Variants in R3HCC1L observed in about 807,000 individuals in gnomAD.
R3HCC1L encodes coiled-coil domain-containing protein R3HCC1L.
A neutral mutation model predicts 59.9 loss-of-function variants in R3HCC1L; 51 were observed. The observed-to-expected ratio is 0.85, with a 90% CI of 0.68 to 1.07. The LOEUF (loss-of-function observed/expected upper bound fraction) is 1.07, where lower values mean the gene tolerates loss of function less well. Ranked by LOEUF, R3HCC1L falls within the 50% of genes least tolerant of loss-of-function variation. The pLI is 0.00. For synonymous variants in R3HCC1L, 322 were observed against 315.2 expected, an observed-to-expected ratio of 1.02 and a Z score of -0.23; for missense variants, 965 against 933.0, an observed-to-expected ratio of 1.03 and a Z score of -0.45.
At position 98,164,326 on chromosome 10, in the gene R3HCC1L, C is replaced by T. The variant is rs563715974; in HGVS notation, c.-15+929C>T. Among the ~76,000 whole-genome samples the T allele has an allele frequency of 3.9e-3, 587 of 152,190 alleles. 4 individuals carry two copies. The highest frequency in any genetic ancestry group is 0.013 in the African/African-American group (527 of 41,490). Reference sequence around the variant, plus strand: ...TCAAATAGAATCCAGGGATGAGGAACTATAGGCACAGAAAAAAGAGAGGAA... The same window carrying T: ...TCAAATAGAATCCAGGGATGAGGAATTATAGGCACAGAAAAAAGAGAGGAA... On this transcript the variant is annotated intron_variant, in intron 4 of 9. Transcript: ENST00000298999.
At chr10:98,175,841 C>G (rs570367810) in intron 4 of R3HCC1L, among the ~76,000 whole-genome samples, 24 of 152,116 alleles carry the variant, frequency 1.6e-4, no homozygotes, top group Non-Finnish European at 2.6e-4. Flanking sequence ...GATGTTGTAT[C>G]TAAGAAACCT....
intron 4 of R3HCC1L, among the ~76,000 whole-genome samples, chr10:98,165,061 A>G (rs1429399492): frequency 6.6e-6 from 1 of 152,162 alleles, no homozygotes; most frequent in Non-Finnish European, 1.5e-5. Context: ...GGAGTTCGAG[A>G]CCAGCCTGGC....
At chr10:98,143,906 T>C (rs903077012) in intron 1 of R3HCC1L, among the ~76,000 whole-genome samples, 1 of 152,214 alleles carries the variant, frequency 6.6e-6, no homozygotes, top group Non-Finnish European at 1.5e-5. Context: ...CTGTTAACAT[T>C]GGGGTTTATT....
At chr10:98,169,373 C>G (rs1038880255) in intron 4 of R3HCC1L, among the ~76,000 whole-genome samples, 2 of 152,136 alleles carry the variant, frequency 1.3e-5, no homozygotes, top group Admixed American at 1.3e-4. Flanking sequence ...CAGATTTCTC[C>G]TATATAAAAT....
At chr10:98,164,613 G>T (rs898753024) in intron 4 of R3HCC1L, among the ~76,000 whole-genome samples, 7 of 152,184 alleles carry the variant, frequency 4.6e-5, no homozygotes, top group African/African-American at 1.7e-4. Flanking sequence ...TGGCTATAAA[G>T]AGTGACACTG....
intron 4 of R3HCC1L, among the ~76,000 whole-genome samples, chr10:98,172,083 G>T (rs77349290): frequency 6.6e-6 from 1 of 151,872 alleles, no homozygotes; most frequent in Admixed American, 6.6e-5. Flanking sequence ...TGGTAGAAAA[G>T]GTCTATTTGG....
chr10:98,196,397 A>C (rs912540901), intron 4 of R3HCC1L, among the ~76,000 whole-genome samples: 1 of 152,106 alleles, frequency 6.6e-6, no homozygotes, highest in Non-Finnish European at 1.5e-5. Context: ...GGAAATTCTC[A>C]GTTCGTCCTA....
intron 4 of R3HCC1L, among the ~76,000 whole-genome samples, chr10:98,175,244 A>G (rs1848894155): frequency 6.6e-6 from 1 of 152,204 alleles, no homozygotes; most frequent in African/African-American, 2.4e-5. Flanking sequence ...AAAGCCAAGA[A>G]TCAGAAATTA....
At chr10:98,148,509 A>G (rs1459221173) in intron 1 of R3HCC1L, among the ~76,000 whole-genome samples, 2 of 152,126 alleles carry the variant, frequency 1.3e-5, no homozygotes, top group Admixed American at 1.3e-4. Flanking sequence ...TCAGTGTGGT[A>G]TTAGCTGTGG....
At chr10:98,161,895 G>C (rs1847452474) in intron 2 of R3HCC1L, among the ~76,000 whole-genome samples, 1 of 151,990 alleles carries the variant, frequency 6.6e-6, no homozygotes, top group African/African-American at 2.4e-5. Flanking sequence ...CAGCTTTTCT[G>C]TCTCAATGAA....
chr10:98,143,481 G>A lies in R3HCC1L; in HGVS notation c.-268+8775G>A, dbSNP rs1373400148. On this transcript the variant is annotated intron_variant, in intron 1 of 9. Coordinates refer to ENST00000298999, the MANE Select transcript of R3HCC1L (RefSeq NM_001351015.2). Reference sequence around the variant, plus strand: ...TTTTTCCTCCAGTATTAGTCACTGTGACATTGCTGTTCTTTGCCTTTTTGC... The same window carrying A: ...TTTTTCCTCCAGTATTAGTCACTGTAACATTGCTGTTCTTTGCCTTTTTGC... Among the ~76,000 whole-genome samples, 7 of 152,192 alleles carry A rather than the reference G, an allele frequency of 4.6e-5. 1 individual carries two copies. Among genetic ancestry groups the A allele is most frequent in the Non-Finnish European group, 8.8e-5 (6 of 68,036 alleles).
rs1590712480 is a variant in R3HCC1L, at chr10:98,208,329, A to G, written c.215A>G (p.Asn72Ser). 1 of 1,614,174 alleles carries G rather than the reference A, an allele frequency of 6.2e-7. No homozygotes were observed. The highest frequency in any genetic ancestry group is 2.2e-5 in the East Asian group (1 of 44,880). ...FKDKPEARRL[N>S]INPDRKEHNC... ...GACAAACCGGAGGCTCGAAGACTAA[A>G]TATCAATCCTGATAGAAAGGAGCAT... Residue 72 changes from asparagine to serine, a missense_variant, in exon 5 of 10, where the codon AAT becomes AGT. By Grantham distance (46) the Asn-to-Ser change is conservative. Transcript: ENST00000298999.
At position 98,208,341 on chromosome 10, in the gene R3HCC1L, A is replaced by G; in HGVS notation, c.227A>G (p.Asp76Gly). The stretch of plus-strand genomic sequence containing the variant: ...GCTCGAAGACTAAATATCAATCCTG[A>G]TAGAAAGGAGCATAATTGTAGAGAA... ...PEARRLNINP[D>G]RKEHNCREEK... Residue 76 changes from aspartate (D) to glycine (G), a missense_variant, in exon 5 of 10, where the codon GAT becomes GGT. Physicochemically the swap from Asp to Gly is moderately conservative, Grantham distance 94. Coordinates refer to ENST00000298999, the MANE Select transcript of R3HCC1L (RefSeq NM_001351015.2). 2 of 1,614,180 alleles carry G rather than the reference A, an allele frequency of 1.2e-6. No homozygotes were observed. Among genetic ancestry groups the G allele is most frequent in the Non-Finnish European group, 1.7e-6 (2 of 1,180,024 alleles).
chr10:98,173,628 A>C (rs1848725320), intron 4 of R3HCC1L, among the ~76,000 whole-genome samples: 1 of 152,034 alleles, frequency 6.6e-6, no homozygotes, highest in Admixed American at 6.6e-5. Context: ...TTTTCCAGTG[A>C]TTTACCTGAC....
In R3HCC1L at chr10:98,231,704, T is replaced by A; in HGVS notation, c.1961+17T>A. The A allele has an allele frequency of 6.3e-7, 1 of 1,575,514 alleles. No homozygotes were observed. Among genetic ancestry groups the A allele is most frequent in the Non-Finnish European group, 8.6e-7 (1 of 1,157,256 alleles). ...CAGTTATCAGTGAGTATGCAAATGA[T>A]TGTGGATGTTAGGGAGGGTGAGATG... On this transcript the variant is annotated intron_variant, in intron 6 of 9. Coordinates refer to ENST00000298999, the MANE Select transcript of R3HCC1L (RefSeq NM_001351015.2).
intron 9 of R3HCC1L, among the ~76,000 whole-genome samples, chr10:98,243,860 T>G (rs1345088809): frequency 6.6e-6 from 1 of 152,252 alleles, no homozygotes; most frequent in Non-Finnish European, 1.5e-5. Flanking sequence ...TATACTTCTA[T>G]TAGCCTCAGA....
intron 4 of R3HCC1L, among the ~76,000 whole-genome samples, chr10:98,165,877 G>A (rs1847894947): frequency 6.6e-6 from 1 of 152,122 alleles, no homozygotes; most frequent in Admixed American, 6.5e-5. Context: ...TTCCCCTATA[G>A]GAAGAAGCCA....
At chr10:98,240,171 T>C (rs1857376912) in intron 9 of R3HCC1L, among the ~76,000 whole-genome samples, 1 of 152,010 alleles carries the variant, frequency 6.6e-6, no homozygotes, top group African/African-American at 2.4e-5. Context: ...CCGGGCATGG[T>C]GGCGCGCACC....
At chr10:98,165,456 A>G (rs1490922691) in intron 4 of R3HCC1L, among the ~76,000 whole-genome samples, 1 of 152,210 alleles carries the variant, frequency 6.6e-6, no homozygotes, top group Non-Finnish European at 1.5e-5. Flanking sequence ...AAGGCCAGTT[A>G]CCATATTTAG....
Sources: gnomAD v4.1 joint callset for allele counts (sites outside exome capture counted in the v4.1 genomes callset) on GRCh38, gnomAD v4.1.1 for gene constraint, MANE v1.5 for transcripts, NCBI Gene and HGNC (gene_info 2026-07-23, HGNC 2026-07-21) for gene names.